GALM: variants seen among roughly 807,000 people sequenced by gnomAD.
GALM encodes the protein aldose 1-epimerase.
In GALM, 43 loss-of-function variants were observed where a neutral mutation model predicts 37.4. The ratio of observed to expected loss-of-function variants is 1.15; its 90% CI spans 0.90 to 1.48. The LOEUF is 1.48. Ranked by LOEUF, GALM falls within the 40% of genes most tolerant of loss-of-function variation. The pLI is 0.00. For missense variants in GALM, 456 were observed against 419.1 expected, an observed-to-expected ratio of 1.09 and a Z score of -0.77; for synonymous variants, 199 against 170.6, an observed-to-expected ratio of 1.17 and a Z score of -1.30.
intron 4 of GALM, among the ~76,000 whole-genome samples, chr2:38,701,606 C>G (rs1665919977): frequency 6.6e-6 from 1 of 152,126 alleles, no homozygotes; most frequent in African/African-American, 2.4e-5. Context: ...AATTAGAATT[C>G]TGGTAGGAAA....
At chr2:38,671,184 A>G (rs551011963) in intron 1 of GALM, among the ~76,000 whole-genome samples, 12 of 152,250 alleles carry the variant, frequency 7.9e-5, no homozygotes, top group Admixed American at 7.2e-4. Context: ...GAAAAATAGT[A>G]TTTTCTGCAT....
chr2:38,699,701 A>G (rs534725396), intron 4 of GALM, among the ~76,000 whole-genome samples: 5 of 152,164 alleles, frequency 3.3e-5, no homozygotes, highest in Non-Finnish European at 7.3e-5. Context: ...ATCATTCAGG[A>G]GCATATTGTT....
chr2:38,717,102 T>C (rs1666283070), intron 4 of GALM, among the ~76,000 whole-genome samples: 1 of 151,074 alleles, frequency 6.6e-6, no homozygotes, highest in Non-Finnish European at 1.5e-5. Context: ...AATACAAAAT[T>C]AGCTAGGCGT....
chr2:38,727,321 A>C (rs1207459870), intron 4 of GALM, among the ~76,000 whole-genome samples: 1 of 152,080 alleles, frequency 6.6e-6, no homozygotes, highest in Non-Finnish European at 1.5e-5. Context: ...CCTGGACCTC[A>C]GTGTCTCACT....
intron 3 of GALM, among the ~76,000 whole-genome samples, 155 bp from the exon 4 acceptor site, chr2:38,689,658 T>C (rs1039054606): frequency 6.6e-6 from 1 of 152,182 alleles, no homozygotes; most frequent in Non-Finnish European, 1.5e-5. Flanking sequence ...CTTATCTACC[T>C]CCACTTAGTT....
At chr2:38,677,174 C>T (rs1307670870) in intron 2 of GALM, among the ~76,000 whole-genome samples, 7 of 152,234 alleles carry the variant, frequency 4.6e-5, no homozygotes, top group African/African-American at 1.7e-4. Context: ...CCAGTGATTG[C>T]TCTCTTACTA....
chr2:38,724,068 A>G (rs533462385), intron 4 of GALM, among the ~76,000 whole-genome samples: 9 of 152,058 alleles, frequency 5.9e-5, no homozygotes, highest in South Asian at 2.1e-4. Context: ...ACAGGCACAC[A>G]CCACCATGCC....
chr2:38,676,341 G>A (rs1167210061), intron 2 of GALM, among the ~76,000 whole-genome samples: 1 of 152,180 alleles, frequency 6.6e-6, no homozygotes, highest in African/African-American at 2.4e-5. Context: ...GTTGAGATCA[G>A]GGAGTCGGGT....
rs549394981 is a variant in GALM, at chr2:38,686,182, C to CA, written c.553-3631_553-3630insA. On this transcript the variant is annotated intron_variant, in intron 3 of 6. Coordinates refer to ENST00000272252, the MANE Select transcript of GALM (RefSeq NM_138801.3). ...GTGTGATTTTCATGTTGATTCATTT[C>CA]TCTAGTGCTTAAAAAAAAAAAACCA... Among the ~76,000 whole-genome samples, 111 of 148,386 alleles carry CA rather than the reference C, an allele frequency of 7.5e-4. 2 individuals are homozygous for CA. Among genetic ancestry groups the CA allele is most frequent in the African/African-American group, 2.8e-3 (109 of 39,218 alleles).
rs542864375 is a variant in GALM, at chr2:38,733,740, C to T, written c.*175C>T. The T allele has an allele frequency of 5.4e-5, 33 of 612,872 alleles. No homozygotes were observed. The African/African-American group carries it at 5.7e-4, about 11-fold the overall frequency. 38.0% of individuals were successfully genotyped at this position (612,872 alleles called of 1,614,324 possible). On this transcript the variant is annotated 3_prime_UTR_variant, in exon 7 of 7. Transcript: ENST00000272252. ...GATTTCCTTTTCCAGTGACTGGCTC[C>T]AGGCCATGTCTAATGACCAGCTCGA... is the stretch of plus-strand genomic sequence containing the variant.
At chr2:38,732,218 G>A (rs759323766) in intron 6 of GALM, among the ~76,000 whole-genome samples, 22 of 152,076 alleles carry the variant, frequency 1.4e-4, no homozygotes, top group Non-Finnish European at 2.4e-4. Flanking sequence ...CACCATGCCT[G>A]CTTAATTTTT....
chr2:38,724,721 C>A (rs1421018064), intron 4 of GALM, among the ~76,000 whole-genome samples: 1 of 152,094 alleles, frequency 6.6e-6, no homozygotes, highest in Non-Finnish European at 1.5e-5. Flanking sequence ...AAAGTCTTAC[C>A]CTCTGTGCCC....
At chr2:38,685,663 C>G (rs1042054859) in intron 3 of GALM, among the ~76,000 whole-genome samples, 1 of 152,100 alleles carries the variant, frequency 6.6e-6, no homozygotes, top group African/African-American at 2.4e-5. Context: ...TAGATCATTG[C>G]GTTTTTCCAG....
At chr2:38,719,246 T>G in intron 4 of GALM, among the ~76,000 whole-genome samples, 1 of 149,134 alleles carries the variant, frequency 6.7e-6, no homozygotes, top group Non-Finnish European at 1.5e-5. Context: ...CCGAGGTGGG[T>G]GGATCACGAG....
chr2:38,715,429 C>T (rs1462477146), intron 4 of GALM, among the ~76,000 whole-genome samples: 1 of 152,010 alleles, frequency 6.6e-6, no homozygotes, highest in Admixed American at 6.6e-5. Context: ...AGAATCAAGG[C>T]GTTTTTGTTG....
At chr2:38,676,126 T>G in intron 2 of GALM, 60 bp downstream of exon 2, 1 of 1,553,718 alleles carries the variant, frequency 6.4e-7, no homozygotes, top group Non-Finnish European at 8.9e-7. Flanking sequence ...ACCTTCTGCT[T>G]GCCAGGCACA....
intron 1 of GALM, chr2:38,671,331 G>C (rs780961433): frequency 6.6e-6 from 1 of 152,210 alleles, no homozygotes; most frequent in Non-Finnish European, 1.5e-5. Context: ...AATTTATAAA[G>C]AAAATAGGTT....
rs970240950 is a variant in GALM at position 38,675,970 on chromosome 2, C to T, written c.249C>T (p.Ile83=). 5 of 1,613,992 alleles carry T rather than the reference C, an allele frequency of 3.1e-6. No individual in the cohort carries two copies. The Admixed American group carries it at 5.0e-5, about 16-fold the overall frequency. ...GAVIGRVANR[I]AKGTFKVDGK... is the part of the protein sequence containing the mutation. ...TTATTGGGAGGGTGGCCAACCGAAT[C>T]GCCAAAGGAACCTTCAAGGTGGATG... The change falls in exon 2 of 7, where the codon ATC becomes ATT. Residue 83 remains isoleucine, a synonymous_variant. Coordinates refer to ENST00000272252, the MANE Select transcript of GALM (RefSeq NM_138801.3).
chr2:38,667,960 G>A (rs1572505941), intron 1 of GALM, among the ~76,000 whole-genome samples: 1 of 152,166 alleles, frequency 6.6e-6, no homozygotes, highest in East Asian at 1.9e-4. Flanking sequence ...AATGCTGCAT[G>A]GGGAGGCCAA....
Sources: allele counts gnomAD v4.1 joint callset (sites outside exome capture counted in the v4.1 genomes callset), GRCh38; gene constraint gnomAD v4.1.1; transcripts MANE v1.5; gene names NCBI Gene and HGNC (gene_info 2026-07-23, HGNC 2026-07-21).